POC1B: variants seen among roughly 807,000 people sequenced by gnomAD.
POC1B encodes the protein POC1 centriolar protein homolog B.
A neutral mutation model predicts 60.6 loss-of-function variants in POC1B; 44 were observed. The ratio of observed to expected loss-of-function variants is 0.73; its 90% CI spans 0.57 to 0.93. The LOEUF is 0.93. Ranked by LOEUF, POC1B falls within the 40% of genes least tolerant of loss-of-function variation. POC1B has a pLI of 0.00. For missense variants in POC1B, 555 were observed against 572.3 expected (o/e 0.97, Z 0.31); for synonymous variants, 180 against 198.9 (o/e 0.90, Z 0.80).
chr12:89,515,550 G>A (rs1382182145), intron 2 of POC1B, among the ~76,000 whole-genome samples: 1 of 152,166 alleles, frequency 6.6e-6, no homozygotes, highest in African/African-American at 2.4e-5. Context: ...AAGTGGAGGT[G>A]TGAAGGACAG....
chr12:89,406,631 T>C, the POC1B span, among the ~76,000 whole-genome samples: 1 of 151,942 alleles, frequency 6.6e-6, no homozygotes, highest in South Asian at 2.1e-4. Context: ...TTAGGTCTCC[T>C]ATTCCCGGGT....
chr12:89,504,410 G>T (rs1384410846), intron 2 of POC1B, among the ~76,000 whole-genome samples: 1 of 152,154 alleles, frequency 6.6e-6, no homozygotes, highest in Admixed American at 6.5e-5. Flanking sequence ...AAGGCAGCAT[G>T]CTCCTTAAGA....
intron 1 of POC1B, 106 bp downstream of exon 1, chr12:89,525,775 A>G: frequency 7.3e-7 from 1 of 1,373,506 alleles, no homozygotes; most frequent in Non-Finnish European, 9.5e-7. Context: ...GGCTACGGAC[A>G]CCTGCCTCCA....
chr12:89,474,879 T>C (rs1883044607), intron 4 of POC1B, among the ~76,000 whole-genome samples: 1 of 152,208 alleles, frequency 6.6e-6, no homozygotes, highest in Non-Finnish European at 1.5e-5. Context: ...TCTGTGTGTG[T>C]TGCCATAAGC....
chr12:89,470,161 C>T (rs932663258), intron 7 of POC1B, among the ~76,000 whole-genome samples, 200 bp downstream of exon 7: 4 of 152,152 alleles, frequency 2.6e-5, no homozygotes, highest in Admixed American at 2.6e-4. Flanking sequence ...CGTGAGCCAC[C>T]ACGCCCAGCC....
Position 89,441,883 on chromosome 12 carries a change from T to C in POC1B, c.1114-16504A>G, listed in dbSNP as rs113541876. On this transcript the variant is annotated intron_variant, in intron 10 of 11. Coordinates refer to ENST00000313546, the MANE Select transcript of POC1B (RefSeq NM_172240.3). ...GAAGTTAAAAACCTTGAAAAAAGAT[T>C]AGACGAATGGCTAACTAGAATAAAC... 6.8e-3 allele frequency among the ~76,000 whole-genome samples: 1,030 copies of C among 152,306 alleles called. 12 individuals carry two copies. Among genetic ancestry groups the C allele is most frequent in the African/African-American group, 0.024 (995 of 41,560 alleles).
downstream of POC1B, among the ~76,000 whole-genome samples, chr12:89,415,645 A>C (rs1880350925): frequency 6.8e-6 from 1 of 147,370 alleles, no homozygotes; most frequent in Non-Finnish European, 1.5e-5. Context: ...TCCGTCTCAA[A>C]AAAAAAAAAA....
At chr12:89,409,883 G>A in the POC1B span, among the ~76,000 whole-genome samples, 1 of 152,138 alleles carries the variant, frequency 6.6e-6, no homozygotes, top group Non-Finnish European at 1.5e-5. Context: ...GGTACAAAGA[G>A]GATCTGGTAC....
At chr12:89,449,846 A>C (rs368877684) in intron 10 of POC1B, among the ~76,000 whole-genome samples, 3 of 152,200 alleles carry the variant, frequency 2.0e-5, no homozygotes, top group African/African-American at 7.2e-5. Flanking sequence ...CAGAGCAATA[A>C]GACAGAAGAG....
intron 3 of POC1B, among the ~76,000 whole-genome samples, chr12:89,494,590 G>A (rs1391948043): frequency 1.3e-5 from 2 of 152,250 alleles, no homozygotes; most frequent in South Asian, 2.1e-4. Context: ...CAAAGGAGGT[G>A]GAGTCTGTTT....
chr12:89,405,080 C>A, the POC1B span, among the ~76,000 whole-genome samples: 1 of 152,118 alleles, frequency 6.6e-6, no homozygotes, highest in Admixed American at 6.6e-5. Context: ...AAATGGATAC[C>A]TTTCCATGTT....
intron 1 of POC1B, chr12:89,525,438 C>T: frequency 7.2e-7 from 1 of 1,380,232 alleles, no homozygotes; most frequent in Non-Finnish European, 9.3e-7. Flanking sequence ...TCTGTTCGCG[C>T]TTCCCAGAGT....
intron 10 of POC1B, among the ~76,000 whole-genome samples, chr12:89,445,325 C>G (rs1881730916): frequency 6.6e-6 from 1 of 152,122 alleles, no homozygotes. Context: ...AAGAACAAAG[C>G]TGGAGGCATC....
intron 10 of POC1B, among the ~76,000 whole-genome samples, chr12:89,436,713 CAA>C (rs113893909): frequency 8.1e-6 from 1 of 123,028 alleles, no homozygotes; most frequent in African/African-American, 3.0e-5. Flanking sequence ...GACTCAATCT[CAA>C]AAAAAAAACA....
At chr12:89,525,551 CT>C (rs111898396) in intron 1 of POC1B, 72,244 of 945,924 alleles carry the variant, frequency 0.076, 18 homozygotes, top group East Asian at 0.13. Flanking sequence ...GGCTTTGGTA[CT>C]TTTTTTTTTT....
At chr12:89,412,805 A>C in the POC1B span, among the ~76,000 whole-genome samples, 3 of 124,870 alleles carry the variant, frequency 2.4e-5, no homozygotes, top group East Asian at 3.0e-4. Flanking sequence ...AGAGAAACAC[A>C]TGTTCCTTCC....
chr12:89,452,907 G>A (rs959684283), intron 10 of POC1B, among the ~76,000 whole-genome samples: 12 of 151,852 alleles, frequency 7.9e-5, no homozygotes, highest in African/African-American at 2.2e-4. Flanking sequence ...CATCACATTC[G>A]CAACTGTTAG....
At chr12:89,438,803 CACTT>C (rs1199115681) in intron 10 of POC1B, among the ~76,000 whole-genome samples, 3 of 152,206 alleles carry the variant, frequency 2.0e-5, no homozygotes, top group African/African-American at 7.2e-5. Flanking sequence ...GCAGAATACT[CACTT>C]ATTCTTCTTT....
intron 9 of POC1B, chr12:89,460,012 C>T: frequency 2.4e-6 from 1 of 412,158 alleles, no homozygotes; most frequent in South Asian, 2.0e-5. Flanking sequence ...ATAAAATGAC[C>T]CACCTCAAAA....
Sources: allele counts gnomAD v4.1 joint callset (sites outside exome capture counted in the v4.1 genomes callset), GRCh38; gene constraint gnomAD v4.1.1; transcripts MANE v1.5; gene names NCBI Gene and HGNC (gene_info 2026-07-23, HGNC 2026-07-21).